Variants in STK32B observed in about 807,000 individuals in gnomAD.
The protein encoded by STK32B is serine/threonine kinase 32B.
Under a neutral mutation model 52.6 loss-of-function variants are expected in STK32B, and 43 were observed. That is an observed-to-expected ratio of 0.82 (90% CI 0.64 to 1.05). STK32B has a LOEUF of 1.05. STK32B is among the 50% of genes least tolerant of loss of function. The pLI is 0.00. For missense variants in STK32B, 621 were observed against 534.6 expected (o/e 1.16, Z -1.59); for synonymous variants, 238 against 204.3 (o/e 1.17, Z -1.41).
intron 3 of STK32B, among the ~76,000 whole-genome samples, chr4:5,178,480 G>A (rs1393657274): frequency 6.6e-6 from 1 of 152,182 alleles, no homozygotes; most frequent in African/African-American, 2.4e-5. Context: ...CATTGTCTTG[G>A]TGATCAGCAT....
intron 1 of STK32B, among the ~76,000 whole-genome samples, chr4:5,068,276 C>T (rs545621663): frequency 1.1e-3 from 168 of 152,250 alleles, no homozygotes; most frequent in African/African-American, 3.7e-3. Context: ...TCCCTCACTC[C>T]TTTCCCATTC....
chr4:5,325,896 T>G (rs1731841926), intron 3 of STK32B, among the ~76,000 whole-genome samples: 1 of 152,218 alleles, frequency 6.6e-6, no homozygotes. Context: ...AGTGCAAAAC[T>G]ACAGAGAGAT....
At chr4:5,278,784 G>T (rs1424206999) in intron 3 of STK32B, among the ~76,000 whole-genome samples, 1 of 152,124 alleles carries the variant, frequency 6.6e-6, no homozygotes, top group Non-Finnish European at 1.5e-5. Context: ...TGGCTGGGAA[G>T]ACCTCAGGAA....
chr4:5,196,889 G>A (rs1721722138), intron 3 of STK32B, among the ~76,000 whole-genome samples: 1 of 152,170 alleles, frequency 6.6e-6, no homozygotes, highest in African/African-American at 2.4e-5. Context: ...CTGCAGCATT[G>A]CTGTTGGTCA....
intron 6 of STK32B, among the ~76,000 whole-genome samples, chr4:5,444,449 C>A (rs1308252070): frequency 6.6e-6 from 1 of 152,240 alleles, no homozygotes; most frequent in Non-Finnish European, 1.5e-5. Flanking sequence ...AATGCCTCGC[C>A]CTGCTTTGGC....
At chr4:5,445,929 G>T (rs1266492894) in intron 6 of STK32B, among the ~76,000 whole-genome samples, 1 of 112,572 alleles carries the variant, frequency 8.9e-6, no homozygotes, top group Non-Finnish European at 1.8e-5. Flanking sequence ...CTAAAATATA[G>T]TTGTCCCTGA....
chr4:5,241,086 T>C (rs1724992057), intron 3 of STK32B, among the ~76,000 whole-genome samples: 1 of 152,210 alleles, frequency 6.6e-6, no homozygotes, highest in Non-Finnish European at 1.5e-5. Flanking sequence ...TCATAGTTTT[T>C]TTCTTTATTG....
intron 1 of STK32B, among the ~76,000 whole-genome samples, chr4:5,100,819 C>A (rs1322379135): frequency 7.6e-6 from 1 of 131,454 alleles, no homozygotes; most frequent in Non-Finnish European, 1.6e-5. Context: ...CCTTCCTTCC[C>A]TCCTTTCCTT....
At chr4:5,319,896 A>G (rs1049478356) in intron 3 of STK32B, among the ~76,000 whole-genome samples, 1 of 152,128 alleles carries the variant, frequency 6.6e-6, no homozygotes, top group African/African-American at 2.4e-5. Flanking sequence ...GCCTCCCAGA[A>G]TGAGACCTCA....
intron 1 of STK32B, among the ~76,000 whole-genome samples, chr4:5,057,907 A>G (rs997489882): frequency 1.3e-5 from 2 of 152,220 alleles, no homozygotes; most frequent in African/African-American, 4.8e-5. Flanking sequence ...GAGGACACAT[A>G]GTTTAGGATA....
intron 2 of STK32B, among the ~76,000 whole-genome samples, chr4:5,152,390 T>C (rs1717441791): frequency 6.6e-6 from 1 of 152,236 alleles, no homozygotes; most frequent in African/African-American, 2.4e-5. Context: ...CTGGCTCTGT[T>C]GATAACTGTT....
intron 1 of STK32B, among the ~76,000 whole-genome samples, chr4:5,108,914 A>G (rs192968766): frequency 6.6e-6 from 1 of 152,322 alleles, no homozygotes; most frequent in East Asian, 1.9e-4. Context: ...AGCACTCATT[A>G]GTCTTGAATA....
In STK32B at chr4:5,470,086, C is replaced by A. The variant is rs1553896192; in HGVS notation, c.1106+2016C>A. 6.6e-6 allele frequency among the ~76,000 whole-genome samples: 1 copy of A among 152,160 alleles called. No individual in the cohort carries two copies. Among genetic ancestry groups the A allele is most frequent in the Non-Finnish European group, 1.5e-5 (1 of 68,036 alleles). On this transcript the variant is annotated intron_variant, in intron 11 of 11. Coordinates refer to ENST00000282908, the MANE Select transcript of STK32B (RefSeq NM_018401.3). The surrounding 1 kb of genome is among the most constrained non-coding windows in gnomAD (Gnocchi z 4.6). ...TCTCATTTCACCTTTTGCTGTGTGCCAGAACATGCTTCAATTTGGATTCTT... is the reference window on the plus strand; with the variant it reads ...TCTCATTTCACCTTTTGCTGTGTGCAAGAACATGCTTCAATTTGGATTCTT...
rs550642922 is a variant in STK32B at position 5,398,696 on chromosome 4, T to G, written c.472+452T>G. ...TTTCTAGCAAGCAGAGCTTAATACT[T>G]GATAATCCACTAAGCATTTACTCAT... On this transcript the variant is annotated intron_variant, in intron 5 of 11. Coordinates refer to ENST00000282908, the MANE Select transcript of STK32B (RefSeq NM_018401.3). The surrounding 1 kb of genome is among the most constrained non-coding windows in gnomAD (Gnocchi z 4.9). Among the ~76,000 whole-genome samples, 89 of 152,216 alleles carry G rather than the reference T, an allele frequency of 5.8e-4. No individual in the cohort carries two copies. The highest frequency in any genetic ancestry group is 1.1e-3 in the Non-Finnish European group (76 of 68,036).
chr4:5,304,569 T>C (rs1260642150), intron 3 of STK32B, among the ~76,000 whole-genome samples: 4 of 152,088 alleles, frequency 2.6e-5, no homozygotes, highest in Non-Finnish European at 2.9e-5. Context: ...TTACCAGTTC[T>C]AGGAGCTTTT....
chr4:5,214,173 A>G (rs930570874), intron 3 of STK32B: 2 of 152,126 alleles, frequency 1.3e-5, no homozygotes, highest in African/African-American at 4.8e-5. Flanking sequence ...TGCTATTCTC[A>G]TGATAGTGAG....
intron 4 of STK32B, among the ~76,000 whole-genome samples, chr4:5,333,852 A>G (rs1293482219): frequency 6.6e-6 from 1 of 152,196 alleles, no homozygotes; most frequent in Non-Finnish European, 1.5e-5. Context: ...TTTTGGTACC[A>G]GTACCGTGCT....
chr4:5,301,044 A>G (rs185353295), intron 3 of STK32B, among the ~76,000 whole-genome samples: 68 of 152,140 alleles, frequency 4.5e-4, no homozygotes, highest in Non-Finnish European at 7.5e-4. Flanking sequence ...AGATGATCAT[A>G]TAAGTTTTAT....
chr4:5,242,462 A>G (rs1361159719), intron 3 of STK32B, among the ~76,000 whole-genome samples: 1 of 152,118 alleles, frequency 6.6e-6, no homozygotes, highest in East Asian at 1.9e-4. Flanking sequence ...AGTTCATTGT[A>G]GATTCTGGAT....
Sources: allele counts gnomAD v4.1 joint callset (sites outside exome capture counted in the v4.1 genomes callset), GRCh38; gene constraint gnomAD v4.1.1; non-coding constraint Gnocchi (gnomAD v3.1); transcripts MANE v1.5; gene names NCBI Gene and HGNC (gene_info 2026-07-23, HGNC 2026-07-21).